Variants in ARHGAP10 observed in about 807,000 individuals in gnomAD.
ARHGAP10 encodes the protein rho GTPase-activating protein 10.
ARHGAP10 carries 87 observed loss-of-function variants against 108.6 expected under a neutral mutation model. The ratio of observed to expected loss-of-function variants is 0.80; its 90% CI spans 0.67 to 0.96. The LOEUF (loss-of-function observed/expected upper bound fraction) is 0.96, where lower values mean the gene tolerates loss of function less well. ARHGAP10 is among the 40% of genes least tolerant of loss of function. ARHGAP10 has a pLI of 0.00. For synonymous variants in ARHGAP10, 347 were observed against 341.1 expected (o/e 1.02, Z -0.19); for missense variants, 939 against 954.5 (o/e 0.98, Z 0.21).
At chr4:147,911,634 T>C (rs369141178) in intron 12 of ARHGAP10, among the ~76,000 whole-genome samples, 359 of 30,082 alleles carry the variant, frequency 0.012, 2 homozygotes, top group African/African-American at 0.024. Flanking sequence ...AGTGCTGGGA[T>C]TACAGGCGTG....
chr4:147,860,461 A>AAACC (rs1030404643), intron 5 of ARHGAP10, among the ~76,000 whole-genome samples: 1 of 152,050 alleles, frequency 6.6e-6, no homozygotes, highest in Non-Finnish European at 1.5e-5. Context: ...AAAACAAAAC[A>AAACC]AAACAAAAAA....
At chr4:147,927,253 ACCCACTGAAAGTGTTCAT>A (rs1005853572) in intron 13 of ARHGAP10, among the ~76,000 whole-genome samples, 8 of 152,296 alleles carry the variant, frequency 5.3e-5, no homozygotes, top group African/African-American at 1.9e-4. Flanking sequence ...TTTAAGTATC[ACCCACTGAAAGTGTTCAT>A]CTAGATTCAG....
rs72724356 is a variant in ARHGAP10 at position 147,891,022 on chromosome 4, T to C, written c.1034+9090T>C. On this transcript the variant is annotated intron_variant, in intron 10 of 22. Coordinates refer to ENST00000336498, the MANE Select transcript of ARHGAP10 (RefSeq NM_024605.4). ...AGAGAAATTGAAAATCCTCATACACTGAGAGTGAGAATTTAAATGGAATGC... is the reference window on the plus strand; with the variant it reads ...AGAGAAATTGAAAATCCTCATACACCGAGAGTGAGAATTTAAATGGAATGC... 2.5e-3 allele frequency among the ~76,000 whole-genome samples: 377 copies of C among 152,310 alleles called. 1 individual carries two copies. The highest frequency in any genetic ancestry group is 4.7e-3 in the Non-Finnish European group (322 of 68,028).
intron 18 of ARHGAP10, among the ~76,000 whole-genome samples, chr4:148,001,360 T>C (rs1740711595): frequency 6.6e-6 from 1 of 152,210 alleles, no homozygotes; most frequent in South Asian, 2.1e-4. Flanking sequence ...TGCCTCCAGC[T>C]TTGTTCTTTT....
chr4:148,037,704 G>A (rs1202323367), intron 19 of ARHGAP10, among the ~76,000 whole-genome samples: 2 of 152,120 alleles, frequency 1.3e-5, no homozygotes, highest in South Asian at 2.1e-4. Context: ...GTGTGGTGGC[G>A]TGTGCCTGTA....
chr4:147,974,395 C>T (rs1739519037), intron 18 of ARHGAP10, among the ~76,000 whole-genome samples: 1 of 151,994 alleles, frequency 6.6e-6, no homozygotes, highest in Non-Finnish European at 1.5e-5. Context: ...CCTAAGGGCC[C>T]TTGAAGATTC....
chr4:147,816,498 A>G (rs1732253403), intron 1 of ARHGAP10, among the ~76,000 whole-genome samples: 1 of 152,228 alleles, frequency 6.6e-6, no homozygotes, highest in Non-Finnish European at 1.5e-5. Context: ...TTCATTACAC[A>G]GACACCCCAG....
At chr4:147,873,938 C>T (rs1439684202) in intron 7 of ARHGAP10, among the ~76,000 whole-genome samples, 1 of 151,522 alleles carries the variant, frequency 6.6e-6, no homozygotes, top group Non-Finnish European at 1.5e-5. Context: ...GGAACCTAGC[C>T]GTCAACAACT....
intron 5 of ARHGAP10, chr4:147,858,207 A>G (rs1734172087): frequency 1.3e-5 from 2 of 152,194 alleles, no homozygotes; most frequent in African/African-American, 2.4e-5. Context: ...GTTTACTTCT[A>G]AATCCCCTGC....
At chr4:147,784,959 ATAT>A (rs886902162) in intron 1 of ARHGAP10, among the ~76,000 whole-genome samples, 16 of 133,318 alleles carry the variant, frequency 1.2e-4, no homozygotes, top group African/African-American at 4.2e-4. Context: ...GTTATAAAAT[ATAT>A]TATGAAATAT....
chr4:148,049,227 C>A (rs1413894491), intron 20 of ARHGAP10, among the ~76,000 whole-genome samples: 3 of 152,096 alleles, frequency 2.0e-5, no homozygotes, highest in African/African-American at 7.2e-5. Context: ...CTGGCCCCAC[C>A]CTGGAGCTGA....
chr4:147,939,695 T>G, intron 13 of ARHGAP10, 130 bp from the exon 14 acceptor site: 1 of 815,816 alleles, frequency 1.2e-6, no homozygotes, highest in Admixed American at 2.2e-5. Context: ...CTTGATTTTT[T>G]CAAAGGTTAT....
chr4:147,811,611 A>C (rs2126772936), intron 1 of ARHGAP10, among the ~76,000 whole-genome samples: 1 of 152,202 alleles, frequency 6.6e-6, no homozygotes, highest in African/African-American at 2.4e-5. Context: ...AACAAAAAAC[A>C]AAACACTGGT....
At chr4:147,937,200 A>G (rs999843450) in intron 13 of ARHGAP10, among the ~76,000 whole-genome samples, 1 of 152,034 alleles carries the variant, frequency 6.6e-6, no homozygotes, top group Non-Finnish European at 1.5e-5. Context: ...TACAAGTCCA[A>G]TATTAAGCTA....
At chr4:147,907,817 T>C (rs774261014) in intron 11 of ARHGAP10, among the ~76,000 whole-genome samples, 57 of 152,192 alleles carry the variant, frequency 3.7e-4, no homozygotes, top group Non-Finnish European at 7.9e-4. Context: ...TCTTACCATA[T>C]TTGGGATGCA....
At chr4:148,067,378 A>G (rs1729943425) in intron 22 of ARHGAP10, among the ~76,000 whole-genome samples, 1 of 152,186 alleles carries the variant, frequency 6.6e-6, no homozygotes, top group African/African-American at 2.4e-5. Context: ...ACATCTAGTG[A>G]AGCCCTTCCT....
At chr4:148,064,596 T>C in intron 22 of ARHGAP10, 89 bp downstream of exon 22, 5 of 1,212,410 alleles carry the variant, frequency 4.1e-6, no homozygotes, top group Non-Finnish European at 6.0e-6. Context: ...GATGGTGCTG[T>C]TGTCGGGAGG....
chr4:147,865,131 T>A, intron 6 of ARHGAP10, 175 bp downstream of exon 6: 1 of 576,452 alleles, frequency 1.7e-6, no homozygotes, highest in Non-Finnish European at 3.1e-6. Context: ...TGCCTCTAAA[T>A]CAGTGGTTCT....
chr4:147,950,466 C>T (rs576711896), intron 15 of ARHGAP10, among the ~76,000 whole-genome samples: 10 of 152,282 alleles, frequency 6.6e-5, no homozygotes, highest in Admixed American at 1.3e-4. Flanking sequence ...GGCACCATGG[C>T]GTGAAGCTGA....
Sources: gnomAD v4.1 joint callset for allele counts (sites outside exome capture counted in the v4.1 genomes callset) on GRCh38, gnomAD v4.1.1 for gene constraint, MANE v1.5 for transcripts, NCBI Gene and HGNC (gene_info 2026-07-23, HGNC 2026-07-21) for gene names.